The following ZFHX3 variants were observed in gnomAD, a reference collection of about 807,000 sequenced individuals.
The protein encoded by ZFHX3 is zinc finger homeobox protein 3.
A neutral mutation model predicts 279.1 loss-of-function variants in ZFHX3; 42 were observed. The observed-to-expected ratio is 0.15, with a 90% CI of 0.12 to 0.19. The LOEUF is 0.19. Ranked by LOEUF, ZFHX3 falls within the 10% of genes least tolerant of loss-of-function variation. ZFHX3 has a pLI of 1.00. For missense variants in ZFHX3, 4,981 were observed against 4,754.0 expected (o/e 1.05, Z -1.40); for synonymous variants, 2,293 against 1,957.8 (o/e 1.17, Z -4.52).
At chr16:73,569,382 CTT>C (rs542449690) in intron 2 of ZFHX3, among the ~76,000 whole-genome samples, 6 of 141,022 alleles carry the variant, frequency 4.3e-5, no homozygotes, top group Admixed American at 7.1e-5. Flanking sequence ...ATCATGGCTG[CTT>C]TTTTTTTTTT....
intron 5 of ZFHX3, among the ~76,000 whole-genome samples, chr16:73,187,763 G>A (rs1967946084): frequency 6.6e-6 from 1 of 152,210 alleles, no homozygotes; most frequent in Admixed American, 6.5e-5. Context: ...GATGCTTGGT[G>A]TAGAGAAACT....
intron 4 of ZFHX3, among the ~76,000 whole-genome samples, chr16:72,861,239 C>A (rs140376142): frequency 5.1e-4 from 77 of 152,280 alleles, no homozygotes; most frequent in African/African-American, 1.8e-3. Flanking sequence ...ATATTTAAAT[C>A]GCTATATCAA....
Position 72,958,668 on chromosome 16 carries a change from C to A in ZFHX3, c.1478G>T (p.Gly493Val). 1 of 1,613,366 alleles carries A rather than the reference C, an allele frequency of 6.2e-7. No homozygotes were observed. The highest frequency in any genetic ancestry group is 8.5e-7 in the Non-Finnish European group (1 of 1,179,640). ...CTCATCCAACTCGCTTGGAAAGAGT[C>A]CTTTGCAACCCTCGTCTTCCTCCTC... The part of the protein sequence containing the change: ...EEEEEDEGCK[G>V]LFPSELDEEL... Residue 493 changes from glycine to valine, a missense_variant, in exon 2 of 10, where the codon GGA becomes GTA. Gly to Val is a moderately radical substitution (Grantham distance 109). Coordinates refer to ENST00000268489, the MANE Select transcript of ZFHX3 (RefSeq NM_006885.4).
intron 1 of ZFHX3, among the ~76,000 whole-genome samples, chr16:73,719,063 C>A (rs1278791005): frequency 6.6e-6 from 1 of 152,190 alleles, no homozygotes; most frequent in Non-Finnish European, 1.5e-5. Flanking sequence ...TGTTCAGCTA[C>A]AACAGGCAGT....
Position 72,787,478 on chromosome 16 carries a change from G to T in ZFHX3, c.10798C>A (p.Pro3600Thr). ...AAHSNDSPPP[P>T]SAAAPSSASP... is the part of the protein sequence containing the mutation. ...GCGGAGGAGGGGGCGGCGGCCGACGGGGGAGGGGGGCTGTCGTTTGAGTGA... is the reference window on the plus strand; with the variant it reads ...GCGGAGGAGGGGGCGGCGGCCGACGTGGGAGGGGGGCTGTCGTTTGAGTGA... Residue 3600 changes from proline (P) to threonine (T), a missense_variant, in exon 10 of 10, where the codon CCG becomes ACG. Transcript: ENST00000268489. The T allele has an allele frequency of 6.2e-7, 1 of 1,607,082 alleles. No individual in the cohort carries two copies. The highest frequency in any genetic ancestry group is 8.5e-7 in the Non-Finnish European group (1 of 1,175,744).
chr16:73,664,657 C>T (rs180944667), intron 2 of ZFHX3, among the ~76,000 whole-genome samples: 3 of 152,160 alleles, frequency 2.0e-5, no homozygotes, highest in African/African-American at 4.8e-5. Flanking sequence ...AGCAATATAC[C>T]CGGTGTCATT....
At chr16:73,551,682 T>C (rs758036321) in intron 2 of ZFHX3, among the ~76,000 whole-genome samples, 1 of 152,186 alleles carries the variant, frequency 6.6e-6, no homozygotes, top group African/African-American at 2.4e-5. Flanking sequence ...AAAGATTACA[T>C]CTCATTTTCA....
chr16:72,798,001 G>C lies in ZFHX3; in HGVS notation c.4681C>G (p.Leu1561Val), dbSNP rs141819089. 1 of 1,614,194 alleles carries C rather than the reference G, an allele frequency of 6.2e-7. No homozygotes were observed. Among genetic ancestry groups the C allele is most frequent in the Non-Finnish European group, 8.5e-7 (1 of 1,180,038 alleles). Residue 1561 changes from leucine (L) to valine (V), a missense_variant, in exon 9 of 10, where the codon CTA becomes GTA. By Grantham distance (32) the Leu-to-Val change is conservative. This residue lies in a region of ZFHX3 where 1,751 missense variants were observed against 1,770.0 expected (regional missense o/e 0.99). Coordinates refer to ENST00000268489, the MANE Select transcript of ZFHX3 (RefSeq NM_006885.4). Reference sequence around the variant, plus strand: ...TGGGAGACAGAATTGTAGTGTACTAGCAGGATATTCTTTTGAGTGAAAGAT... The same window carrying C: ...TGGGAGACAGAATTGTAGTGTACTACCAGGATATTCTTTTGAGTGAAAGAT... ...KESFTQKNIL[L>V]VHYNSVSHLH...
chr16:73,285,245 G>A (rs2014564809), intron 4 of ZFHX3, among the ~76,000 whole-genome samples: 1 of 152,214 alleles, frequency 6.6e-6, no homozygotes, highest in Non-Finnish European at 1.5e-5. Flanking sequence ...GGATATCGAT[G>A]CTCTGTGAGG....
chr16:73,392,485 G>T (rs111379312), intron 3 of ZFHX3, among the ~76,000 whole-genome samples: 2,480 of 144,498 alleles, frequency 0.017, 73 homozygotes, highest in African/African-American at 0.059. Context: ...TTTATTGAGA[G>T]ATATGGAGGT....
intron 4 of ZFHX3, among the ~76,000 whole-genome samples, chr16:72,860,327 A>G (rs867754696): frequency 4.6e-5 from 7 of 151,950 alleles, no homozygotes; most frequent in Admixed American, 2.0e-4. Flanking sequence ...CAAATCCACA[A>G]AGTCAACAAT....
chr16:73,725,758 A>T (rs746017068), intron 1 of ZFHX3, among the ~76,000 whole-genome samples: 2 of 152,132 alleles, frequency 1.3e-5, no homozygotes, highest in Non-Finnish European at 2.9e-5. Context: ...GTAGGGATGG[A>T]CAGTGCTTTC....
At chr16:73,164,507 C>T (rs986084597) in intron 5 of ZFHX3, among the ~76,000 whole-genome samples, 1 of 152,094 alleles carries the variant, frequency 6.6e-6, no homozygotes, top group African/African-American at 2.4e-5. Flanking sequence ...TAAGACCAGC[C>T]TGACCAACAT....
In ZFHX3 at chr16:72,960,542, G is replaced by A. The variant is rs146890545; in HGVS notation, c.-49-348C>T. Reference sequence around the variant, plus strand: ...CGATGGGCCACAGTGGAGAACGGACGCGTCATCTCTCCAGCCCTCTACGAG... The same window carrying A: ...CGATGGGCCACAGTGGAGAACGGACACGTCATCTCTCCAGCCCTCTACGAG... On this transcript the variant is annotated intron_variant, in intron 1 of 9. Transcript: ENST00000268489. 2.6e-3 allele frequency among the ~76,000 whole-genome samples: 403 copies of A among 152,206 alleles called. 2 individuals are homozygous for A. Among genetic ancestry groups the A allele is most frequent in the Middle Eastern group, 0.017 (5 of 294 alleles).
intron 4 of ZFHX3, among the ~76,000 whole-genome samples, chr16:73,265,048 T>C (rs1240672630): frequency 1.4e-5 from 2 of 144,996 alleles, no homozygotes; most frequent in Non-Finnish European, 3.0e-5. Context: ...CCTCAGCGCA[T>C]ATATATAATA....
chr16:73,818,584 A>C (rs116281519), intron 1 of ZFHX3, among the ~76,000 whole-genome samples: 2,293 of 152,318 alleles, frequency 0.015, 59 homozygotes, highest in African/African-American at 0.052. Context: ...AAAGCATTAA[A>C]TAAGCAGACA....
intron 4 of ZFHX3, among the ~76,000 whole-genome samples, chr16:73,315,325 C>T (rs796140623): frequency 7.2e-5 from 11 of 152,234 alleles, no homozygotes; most frequent in African/African-American, 2.2e-4. Context: ...CAAGTACTCA[C>T]GTTGTTGCCT....
At chr16:72,799,900 C>A in intron 8 of ZFHX3, 127 bp downstream of exon 8, 1 of 793,090 alleles carries the variant, frequency 1.3e-6, no homozygotes, top group South Asian at 1.6e-5. Flanking sequence ...TGACAGTGCC[C>A]CTCATCTCCT....
At chr16:73,646,873 C>T (rs1237283352) in intron 2 of ZFHX3, among the ~76,000 whole-genome samples, 2 of 152,080 alleles carry the variant, frequency 1.3e-5, no homozygotes, top group African/African-American at 4.8e-5. Context: ...TAAGTGAGCT[C>T]GTCTCAGAGG....
Sources: gnomAD v4.1 joint callset for allele counts (sites outside exome capture counted in the v4.1 genomes callset) on GRCh38, gnomAD v4.1.1 for gene constraint, gnomAD v4.1.1 regional missense constraint, MANE v1.5 for transcripts, NCBI Gene and HGNC (gene_info 2026-07-23, HGNC 2026-07-21) for gene names.